The following TTLL5 variants were observed in gnomAD, a reference collection of about 807,000 sequenced individuals.
TTLL5 encodes tubulin tyrosine ligase like 5.
In TTLL5, 132 loss-of-function variants were observed where a neutral mutation model predicts 168.4. The ratio of observed to expected loss-of-function variants is 0.78; its 90% CI spans 0.68 to 0.91. The LOEUF (loss-of-function observed/expected upper bound fraction) is 0.91, where lower values mean the gene tolerates loss of function less well. Among genes scored for constraint, TTLL5 ranks in the 40% least tolerant of loss-of-function variants. The probability of loss-of-function intolerance (pLI) is 0.00; values close to 1 mark genes in which losing one functional copy is unlikely to be tolerated. For synonymous variants in TTLL5, 546 were observed against 558.6 expected (o/e 0.98, Z 0.32); for missense variants, 1,545 against 1,581.5 (o/e 0.98, Z 0.39).
rs139556645 is a variant in TTLL5, at chr14:75,826,103, C to T, written c.3326+5942C>T. ...TACCAGGGCCTAGGTAGCATAGGTT[C>T]GGGAACCTGGGGCCGAGTGTCAGGA... On this transcript the variant is annotated intron_variant, in intron 28 of 31. Coordinates refer to ENST00000298832, the MANE Select transcript of TTLL5 (RefSeq NM_015072.5). Among the ~76,000 whole-genome samples the T allele has an allele frequency of 2.0e-5, 3 of 152,204 alleles. No individual in the cohort carries two copies. In the East Asian group the frequency reaches 5.8e-4, roughly 29 times the overall value.
At chr14:75,773,982 A>C (rs895047493) in intron 21 of TTLL5, among the ~76,000 whole-genome samples, 2 of 148,356 alleles carry the variant, frequency 1.3e-5, no homozygotes, top group East Asian at 3.9e-4. Context: ...AGAGAGAGAG[A>C]GAGAGAGAGA....
intron 30 of TTLL5, among the ~76,000 whole-genome samples, chr14:75,892,335 A>G (rs1051207201): frequency 4.6e-5 from 7 of 152,218 alleles, no homozygotes; most frequent in Non-Finnish European, 7.3e-5. Flanking sequence ...ATATACCAAA[A>G]TAAACGAGAA....
chr14:75,760,252 A>T (rs1890548301), intron 18 of TTLL5, among the ~76,000 whole-genome samples: 1 of 152,116 alleles, frequency 6.6e-6, no homozygotes, highest in African/African-American at 2.4e-5. Flanking sequence ...GCATTTGAAA[A>T]TATGAAATAC....
At chr14:75,907,963 A>G (rs1164699966) in intron 31 of TTLL5, among the ~76,000 whole-genome samples, 1 of 152,246 alleles carries the variant, frequency 6.6e-6, no homozygotes, top group Non-Finnish European at 1.5e-5. Flanking sequence ...GACCTGCCAC[A>G]GTTATAATAT....
At chr14:75,904,692 T>C (rs1297055066) in intron 31 of TTLL5, among the ~76,000 whole-genome samples, 2 of 152,224 alleles carry the variant, frequency 1.3e-5, no homozygotes, top group African/African-American at 4.8e-5. Context: ...CTTTCCCTGC[T>C]AATTCTACTT....
chr14:75,917,514 T>C (rs1055858757), intron 31 of TTLL5, among the ~76,000 whole-genome samples: 4 of 152,238 alleles, frequency 2.6e-5, no homozygotes, highest in African/African-American at 7.2e-5. Context: ...CTGGTTGTTA[T>C]CTCAAATGGC....
chr14:75,678,276 AT>A (rs1043280043), intron 3 of TTLL5, among the ~76,000 whole-genome samples: 1 of 152,188 alleles, frequency 6.6e-6, no homozygotes, highest in African/African-American at 2.4e-5. Context: ...CATTACTTAC[AT>A]TTTGCCATAT....
At chr14:75,676,738 A>G (rs1594852259) in intron 3 of TTLL5, among the ~76,000 whole-genome samples, 1 of 150,772 alleles carries the variant, frequency 6.6e-6, no homozygotes, top group African/African-American at 2.4e-5. Flanking sequence ...TATTAGGAGG[A>G]GTAGGAGAAA....
intron 31 of TTLL5, among the ~76,000 whole-genome samples, chr14:75,905,940 AAAATC>A (rs1275023787): frequency 1.3e-5 from 2 of 152,160 alleles, no homozygotes; most frequent in Non-Finnish European, 2.9e-5. Context: ...CCACCTTTAG[AAAATC>A]AATGATGGAT....
At chr14:75,881,377 TCTC>T (rs1430349032) in intron 29 of TTLL5, among the ~76,000 whole-genome samples, 1 of 152,164 alleles carries the variant, frequency 6.6e-6, no homozygotes, top group East Asian at 1.9e-4. Context: ...TTGTCAAGCA[TCTC>T]AGTGAAACAC....
chr14:75,696,404 A>G (rs1247301923), intron 6 of TTLL5, among the ~76,000 whole-genome samples: 5 of 152,174 alleles, frequency 3.3e-5, no homozygotes, highest in East Asian at 1.9e-4. Flanking sequence ...TGACATTTGG[A>G]AAGTTTTGTT....
chr14:75,822,825 C>T (rs1894906448), intron 28 of TTLL5, among the ~76,000 whole-genome samples: 1 of 152,164 alleles, frequency 6.6e-6, no homozygotes, highest in Non-Finnish European at 1.5e-5. Flanking sequence ...CCCTTGGTTC[C>T]TTTGGTCTGT....
chr14:75,721,883 G>T (rs543030023), intron 12 of TTLL5, among the ~76,000 whole-genome samples: 1 of 152,332 alleles, frequency 6.6e-6, no homozygotes, highest in African/African-American at 2.4e-5. Context: ...TTGAATAGAA[G>T]ATGGTAGATA....
chr14:75,863,667 G>C lies in TTLL5; in HGVS notation c.3327G>C (p.Arg1109Ser), dbSNP rs1249134223. 1.2e-6 allele frequency: 2 copies of C among 1,603,882 alleles called. No homozygotes were observed. Among genetic ancestry groups the C allele is most frequent in the Non-Finnish European group, 1.7e-6 (2 of 1,175,000 alleles). ...GAAACCTGCTTGCTTTTCTCTTCAGGAGCCTGCAGACAGGGGGATTTGCCT... is the reference window on the plus strand; with the variant it reads ...GAAACCTGCTTGCTTTTCTCTTCAGCAGCCTGCAGACAGGGGGATTTGCCT... ...PENHSSSPGS[R>S]SLQTGGFAWE... is the part of the protein sequence containing the mutation. The change falls in exon 29 of 32, where the codon AGG becomes AGC. Residue 1109 changes from arginine (R) to serine (S), a missense_variant and splice_region_variant. Coordinates refer to ENST00000298832, the MANE Select transcript of TTLL5 (RefSeq NM_015072.5).
intron 12 of TTLL5, among the ~76,000 whole-genome samples, chr14:75,722,849 G>T (rs1401277309): frequency 1.3e-5 from 2 of 152,110 alleles, no homozygotes; most frequent in African/African-American, 4.8e-5. Flanking sequence ...TTTACCGTGT[G>T]TCTGAAATAC....
At chr14:75,812,332 C>T (rs1894095227) in intron 27 of TTLL5, among the ~76,000 whole-genome samples, 1 of 152,190 alleles carries the variant, frequency 6.6e-6, no homozygotes. Context: ...TTCCCACAGG[C>T]AGTTACTCAC....
chr14:75,876,678 A>G (rs2031504420), intron 29 of TTLL5, among the ~76,000 whole-genome samples: 1 of 152,220 alleles, frequency 6.6e-6, no homozygotes, highest in African/African-American at 2.4e-5. Context: ...GCACCAGAAA[A>G]GTTGTACTGT....
Position 75,886,871 on chromosome 14 carries a change from G to A in TTLL5, c.3740+3969G>A. The A allele has an allele frequency of 4.0e-6, 6 of 1,490,166 alleles. No homozygotes were observed. The South Asian group carries it at 6.6e-5, about 16-fold the overall frequency. The allele number at this position is 1,490,166 out of a possible 1,614,324, so 92.3% of individuals were successfully genotyped here. ...CCAGGAAATATGGAGAAAGAAACCT[G>A]AGGAGATTGAAGTTTGCCAGGCACA... is the stretch of plus-strand genomic sequence containing the variant. On this transcript the variant is annotated intron_variant, in intron 30 of 31. Coordinates refer to ENST00000298832, the MANE Select transcript of TTLL5 (RefSeq NM_015072.5).
intron 31 of TTLL5, among the ~76,000 whole-genome samples, chr14:75,918,586 C>T (rs911241357): frequency 6.6e-6 from 1 of 151,382 alleles, no homozygotes; most frequent in Non-Finnish European, 1.5e-5. Context: ...AAAAGGTCAC[C>T]GTAAATGAGG....
Sources: gnomAD v4.1 joint callset for allele counts (sites outside exome capture counted in the v4.1 genomes callset) on GRCh38, gnomAD v4.1.1 for gene constraint, MANE v1.5 for transcripts, NCBI Gene and HGNC (gene_info 2026-07-23, HGNC 2026-07-21) for gene names.